ARFGEF3: variants seen among roughly 807,000 people sequenced by gnomAD.
ARFGEF3 encodes the protein brefeldin A-inhibited guanine nucleotide-exchange protein 3.
ARFGEF3 carries 96 observed loss-of-function variants against 221.7 expected under a neutral mutation model. That is an observed-to-expected ratio of 0.43 (90% confidence interval 0.37 to 0.51). The LOEUF (loss-of-function observed/expected upper bound fraction) is 0.51, where lower values mean the gene tolerates loss of function less well. ARFGEF3 is among the 20% of genes least tolerant of loss of function. ARFGEF3 has a pLI of 0.00. For missense variants in ARFGEF3, 2,410 were observed against 2,789.9 expected (o/e 0.86, Z 3.07); for synonymous variants, 1,145 against 1,126.8 (o/e 1.02, Z -0.32).
At chr6:138,321,250 C>G (rs549018281) in intron 29 of ARFGEF3, 25 bp downstream of exon 29, 1 of 1,219,674 alleles carries the variant, frequency 8.2e-7, no homozygotes, top group East Asian at 2.6e-5. Context: ...TCCTGACTCT[C>G]CACAAAGCTG....
intron 5 of ARFGEF3, among the ~76,000 whole-genome samples, chr6:138,233,642 G>T (rs1328843417): frequency 1.3e-5 from 2 of 152,136 alleles, no homozygotes. Flanking sequence ...CTCCCAAAGT[G>T]CTGGGATTAC....
intron 4 of ARFGEF3, among the ~76,000 whole-genome samples, chr6:138,222,472 C>T (rs191219440): frequency 2.0e-5 from 3 of 152,080 alleles, no homozygotes; most frequent in African/African-American, 4.8e-5. Flanking sequence ...CCTCAGGGGA[C>T]GTTTAGCAAT....
intron 6 of ARFGEF3, among the ~76,000 whole-genome samples, chr6:138,238,930 G>A (rs566266934): frequency 1.7e-4 from 26 of 152,114 alleles, no homozygotes; most frequent in South Asian, 1.5e-3. Context: ...GAAACATTGC[G>A]ATACACTAAC....
At chr6:138,304,145 A>C (rs1779677839) in intron 22 of ARFGEF3, among the ~76,000 whole-genome samples, 1 of 152,254 alleles carries the variant, frequency 6.6e-6, no homozygotes. Flanking sequence ...TTATGTCCAC[A>C]GAATGAAATA....
intron 2 of ARFGEF3, among the ~76,000 whole-genome samples, chr6:138,179,002 A>G (rs1398827337): frequency 6.6e-6 from 1 of 152,176 alleles, no homozygotes; most frequent in Non-Finnish European, 1.5e-5. Flanking sequence ...TCTGACCAAT[A>G]TTCTATGCCA....
chr6:138,175,729 G>A (rs1215558493), intron 2 of ARFGEF3, among the ~76,000 whole-genome samples: 1 of 152,182 alleles, frequency 6.6e-6, no homozygotes, highest in African/African-American at 2.4e-5. Context: ...CAGTTGTTGA[G>A]TAGAATATTG....
intron 15 of ARFGEF3, among the ~76,000 whole-genome samples, chr6:138,286,337 C>G (rs1021560530): frequency 6.6e-6 from 1 of 151,676 alleles, no homozygotes; most frequent in Non-Finnish European, 1.5e-5. Context: ...GTAGTCCCAG[C>G]TACTCAGGAG....
intron 4 of ARFGEF3, among the ~76,000 whole-genome samples, chr6:138,214,088 C>A (rs1777787834): frequency 6.6e-6 from 1 of 152,178 alleles, no homozygotes; most frequent in Non-Finnish European, 1.5e-5. Context: ...TTTTAATAAT[C>A]TCCAGAAGCC....
At position 138,262,806 on chromosome 6, in the gene ARFGEF3, C is replaced by T; in HGVS notation, c.1323C>T (p.Ser441=). The T allele has an allele frequency of 1.2e-6, 2 of 1,614,030 alleles. No individual in the cohort carries two copies. The highest frequency in any genetic ancestry group is 1.7e-6 in the Non-Finnish European group (2 of 1,179,902). The change falls in exon 12 of 34, where the codon AGC becomes AGT. Residue 441 remains serine, a synonymous_variant. Coordinates refer to ENST00000251691, the MANE Select transcript of ARFGEF3 (RefSeq NM_020340.5). ...CTLLGALDEL[S]QGKGLSEGQV... ...TGCTGGGTGCCCTGGATGAGCTCAG[C>T]CAGGGGAAGGGCTTGAGCGAAGGTC...
chr6:138,281,890 C>T (rs1214309964), intron 14 of ARFGEF3, among the ~76,000 whole-genome samples: 1 of 152,130 alleles, frequency 6.6e-6, no homozygotes. Flanking sequence ...AGTTAGAGCT[C>T]CAGCCTTGCC....
At chr6:138,180,713 A>G (rs955838255) in intron 2 of ARFGEF3, among the ~76,000 whole-genome samples, 4 of 152,198 alleles carry the variant, frequency 2.6e-5, no homozygotes, top group Non-Finnish European at 2.9e-5. Context: ...TGGGGAAGAC[A>G]TTGTCAGCCT....
At position 138,333,970 on chromosome 6, in the gene ARFGEF3, C is replaced by G. The variant is rs776113810; in HGVS notation, c.5124C>G (p.Ser1708Arg). ...DEKPNGHTKKSVSFREIVVSL... is the reference protein window; with the variant it reads ...DEKPNGHTKKRVSFREIVVSL... ...TCGAGCCCTCTCTTTTCACTTGAAG[C>G]GTGTCTTTCAGGGAAATTGTGGTGA... is the stretch of plus-strand genomic sequence containing the variant. Residue 1708 changes from serine to arginine, a missense_variant and splice_region_variant, in exon 33 of 34, where the codon AGC becomes AGG. Physicochemically the swap from Ser to Arg is moderately radical, Grantham distance 110 (BLOSUM62 -1). Around this residue, in one of 5 missense-constraint regions of ARFGEF3, gnomAD observed 723 missense variants for 991.9 expected, o/e 0.73. Transcript: ENST00000251691. 6.2e-7 allele frequency: 1 copy of G among 1,601,436 alleles called. No homozygotes were observed. Among genetic ancestry groups the G allele is most frequent in the Non-Finnish European group, 8.5e-7 (1 of 1,171,264 alleles).
intron 29 of ARFGEF3, among the ~76,000 whole-genome samples, chr6:138,322,391 G>C (rs113787482): frequency 6.6e-6 from 1 of 151,984 alleles, no homozygotes; most frequent in Non-Finnish European, 1.5e-5. Context: ...TACCTCTCAC[G>C]GGGTCCCTCC....
rs746695539 is a variant in ARFGEF3 at position 138,242,942 on chromosome 6, C to T, written c.544-10C>T. The T allele has an allele frequency of 1.2e-6, 2 of 1,608,008 alleles. No homozygotes were observed. Among genetic ancestry groups the T allele is most frequent in the Non-Finnish European group, 1.7e-6 (2 of 1,175,078 alleles). On this transcript the variant is annotated splice_polypyrimidine_tract_variant and intron_variant, in intron 6 of 33. Transcript: ENST00000251691. ...ATCTCCTAATTGTGTGTGTGTATCT[C>T]CCTTACTAGATAATTGAAAACCCAG...
chr6:138,280,092 A>G lies in ARFGEF3; in HGVS notation c.2389A>G (p.Asn797Asp), dbSNP rs1242581123. 5.6e-6 allele frequency: 9 copies of G among 1,613,822 alleles called. No homozygotes were observed. The highest frequency in any genetic ancestry group is 7.6e-6 in the Non-Finnish European group (9 of 1,179,834). The part of the protein sequence containing the change: ...EELYHQVLDR[N>D]MLGEAGYWGS... The stretch of plus-strand genomic sequence containing the variant: ...GCTCTACCATCAGGTGCTCGACAGG[A>G]ACATGCTTGGAGAGGCTGGCTATTG... The change falls in exon 14 of 34, where the codon AAC (asparagine) becomes GAC (aspartate). Residue 797 changes from asparagine to aspartate, a missense_variant. Physicochemically the swap from Asn to Asp is conservative, Grantham distance 23 (BLOSUM62 1). This residue lies in a region of ARFGEF3 where 594 missense variants were observed against 734.3 expected (regional missense o/e 0.81). Transcript: ENST00000251691.
intron 24 of ARFGEF3, among the ~76,000 whole-genome samples, chr6:138,311,072 A>C (rs1184871497): frequency 1.3e-5 from 2 of 152,232 alleles, no homozygotes; most frequent in African/African-American, 4.8e-5. Flanking sequence ...GCCCATGTAC[A>C]AAGGAACACC....
Position 138,293,840 on chromosome 6 carries a change from CAGTT to C in ARFGEF3, c.3369-150_3369-147del, listed in dbSNP as rs797021646. Among the ~76,000 whole-genome samples the C allele has an allele frequency of 9.3e-5, 14 of 150,630 alleles. No homozygotes were observed. In the East Asian group the frequency reaches 2.8e-3, roughly 30 times the overall value. ...CTCACAGTTAGAGCAGACTTGTACA[CAGTT>C]AGAATAGATAGAATAATACCATACA... On this transcript the variant is annotated intron_variant, in intron 19 of 33. Coordinates refer to ENST00000251691, the MANE Select transcript of ARFGEF3 (RefSeq NM_020340.5).
intron 4 of ARFGEF3, among the ~76,000 whole-genome samples, chr6:138,229,253 G>C (rs1778148209): frequency 6.6e-6 from 1 of 152,216 alleles, no homozygotes; most frequent in African/African-American, 2.4e-5. Flanking sequence ...GGTGGAGATG[G>C]CTTTGCCTCG....
intron 5 of ARFGEF3, among the ~76,000 whole-genome samples, chr6:138,238,299 C>G (rs1490451726): frequency 6.6e-6 from 1 of 152,134 alleles, no homozygotes; most frequent in Non-Finnish European, 1.5e-5. Flanking sequence ...AAGAATGGTT[C>G]CTTAGGGAAA....
Sources: gnomAD v4.1 joint callset for allele counts (sites outside exome capture counted in the v4.1 genomes callset) on GRCh38, gnomAD v4.1.1 for gene constraint, gnomAD v4.1.1 regional missense constraint, MANE v1.5 for transcripts, NCBI Gene and HGNC (gene_info 2026-07-23, HGNC 2026-07-21) for gene names.